PSD3: variants seen among roughly 807,000 people sequenced by gnomAD.
PSD3 encodes the protein pleckstrin and Sec7 domain containing 3, also known as PH and SEC7 domain-containing protein 3.
PSD3 carries 49 observed loss-of-function variants against 105.5 expected under a neutral mutation model. The ratio of observed to expected loss-of-function variants is 0.46; its 90% CI spans 0.37 to 0.59. PSD3 has a LOEUF of 0.59. PSD3 is among the 20% of genes least tolerant of loss of function. The probability of loss-of-function intolerance (pLI) is 0.00; values close to 1 mark genes in which losing one functional copy is unlikely to be tolerated. For synonymous variants in PSD3, 557 were observed against 457.8 expected (o/e 1.22, Z -2.77); for missense variants, 1,561 against 1,263.8 (o/e 1.24, Z -3.57).
intron 1 of PSD3, among the ~76,000 whole-genome samples, chr8:18,993,532 T>G (rs571138211): frequency 6.6e-6 from 1 of 152,080 alleles, no homozygotes; most frequent in African/African-American, 2.4e-5. Context: ...GTTTGGCAGA[T>G]AGTAACCTCT....
chr8:18,813,618 A>G (rs1811911242), intron 4 of PSD3, among the ~76,000 whole-genome samples: 1 of 152,222 alleles, frequency 6.6e-6, no homozygotes, highest in Non-Finnish European at 1.5e-5. Context: ...TCAGTTTGCC[A>G]GCAAGCAATG....
intron 4 of PSD3, among the ~76,000 whole-genome samples, chr8:18,809,597 T>G (rs895432657): frequency 6.6e-6 from 1 of 152,194 alleles, no homozygotes; most frequent in African/African-American, 2.4e-5. Context: ...TTATTCATCG[T>G]TTTTCTGAAA....
intron 1 of PSD3, among the ~76,000 whole-genome samples, chr8:19,036,378 A>G (rs1338034220): frequency 2.0e-5 from 3 of 152,014 alleles, no homozygotes; most frequent in Non-Finnish European, 4.4e-5. Context: ...CCTAGGTTGA[A>G]ATTTTGAAGC....
chr8:18,865,978 C>T (rs1189421674), intron 4 of PSD3, among the ~76,000 whole-genome samples: 1 of 152,178 alleles, frequency 6.6e-6, no homozygotes, highest in South Asian at 2.1e-4. Flanking sequence ...AAACCTTTCA[C>T]CCAGTTCCTT....
chr8:18,803,840 T>A (rs978931034), intron 6 of PSD3, among the ~76,000 whole-genome samples: 2 of 151,996 alleles, frequency 1.3e-5, no homozygotes, highest in African/African-American at 4.8e-5. Context: ...AAGAAGAGAA[T>A]CATGGAGATG....
At chr8:18,923,934 T>TGTGTGTGTATTATATA (rs1821194697) in intron 2 of PSD3, among the ~76,000 whole-genome samples, 1 of 151,978 alleles carries the variant, frequency 6.6e-6, no homozygotes, top group African/African-American at 2.4e-5. Context: ...TATACATATA[T>TGTGTGTGTATTATATA]TAAACACCAA....
chr8:18,940,357 G>A (rs1045548712), intron 1 of PSD3: 2 of 152,400 alleles, frequency 1.3e-5, no homozygotes, highest in South Asian at 2.1e-4. Flanking sequence ...AAAGTTCCCT[G>A]GTGACCATGA....
chr8:18,864,460 GTAA>G (rs1816679840), intron 4 of PSD3, among the ~76,000 whole-genome samples: 1 of 152,204 alleles, frequency 6.6e-6, no homozygotes, highest in East Asian at 1.9e-4. Flanking sequence ...ACTAGCTAAA[GTAA>G]TAATATTTTT....
rs771131077 is a variant in PSD3 at position 18,644,735 on chromosome 8, AG to A, written c.2216+10906del. 2.6e-5 allele frequency among the ~76,000 whole-genome samples: 4 copies of A among 152,208 alleles called. No individual in the cohort carries two copies. In the East Asian group the frequency reaches 5.8e-4, roughly 22 times the overall value. On this transcript the variant is annotated intron_variant, in intron 10 of 15. Coordinates refer to ENST00000327040, the MANE Select transcript of PSD3 (RefSeq NM_015310.4). ...AGCTTCTGTGGATTACCCAATTCCA[AG>A]GCCCCTTCCACATTTTCAGCTTATT...
At chr8:18,935,985 C>T (rs755292362) in intron 2 of PSD3, 49 bp downstream of exon 2, 2 of 1,215,582 alleles carry the variant, frequency 1.6e-6, no homozygotes, top group Non-Finnish European at 2.4e-6. Flanking sequence ...TTTGAAATCA[C>T]AGCTCTTCAT....
chr8:18,941,311 C>A (rs762961306), intron 1 of PSD3, among the ~76,000 whole-genome samples: 3 of 152,192 alleles, frequency 2.0e-5, no homozygotes, highest in African/African-American at 7.2e-5. Context: ...CAAGTTTGGG[C>A]TTCAGCTTCC....
chr8:18,725,261 C>A (rs1330910038), intron 9 of PSD3, among the ~76,000 whole-genome samples: 1 of 152,132 alleles, frequency 6.6e-6, no homozygotes. Context: ...AAATAGTAAT[C>A]TTTCTCTTTT....
intron 10 of PSD3, among the ~76,000 whole-genome samples, chr8:18,640,491 C>T (rs1156631767): frequency 6.6e-6 from 1 of 152,082 alleles, no homozygotes; most frequent in East Asian, 1.9e-4. Context: ...ATATTAAGTT[C>T]TCGTGAGATC....
intron 14 of PSD3, among the ~76,000 whole-genome samples, chr8:18,563,864 C>A (rs887710970): frequency 2.0e-5 from 3 of 152,106 alleles, no homozygotes; most frequent in African/African-American, 7.2e-5. Flanking sequence ...ATCAGAAGGA[C>A]ATAAGATTAC....
intron 1 of PSD3, among the ~76,000 whole-genome samples, chr8:18,974,814 C>T (rs540876430): frequency 2.0e-5 from 3 of 152,110 alleles, no homozygotes; most frequent in Non-Finnish European, 4.4e-5. Context: ...ATACATCCAG[C>T]AGGTCCTGCA....
At chr8:18,601,133 C>T (rs1175752143) in intron 11 of PSD3, among the ~76,000 whole-genome samples, 2 of 152,104 alleles carry the variant, frequency 1.3e-5, no homozygotes, top group African/African-American at 4.8e-5. Context: ...TACAAATTAT[C>T]CAAAATAATT....
intron 15 of PSD3, among the ~76,000 whole-genome samples, chr8:18,543,835 T>G (rs1231633394): frequency 6.6e-6 from 1 of 152,122 alleles, no homozygotes; most frequent in Non-Finnish European, 1.5e-5. Context: ...CACACATATA[T>G]TTACATGGAT....
intron 4 of PSD3, among the ~76,000 whole-genome samples, chr8:18,849,057 T>G (rs1815353077): frequency 6.6e-6 from 1 of 152,210 alleles, no homozygotes; most frequent in Non-Finnish European, 1.5e-5. Context: ...AGGTTTATCT[T>G]CTACACCTGT....
rs1398908845 is a variant in PSD3, at chr8:18,755,136, G to A, written c.2172+10313C>T. 1.1e-4 allele frequency among the ~76,000 whole-genome samples: 17 copies of A among 152,028 alleles called. 1 individual carries two copies. Among genetic ancestry groups the A allele is most frequent in the Admixed American group, 1.1e-3 (17 of 15,248 alleles). ...TGGACTGTTATGACACTTTAAACAT[G>A]CTCCAAACAAGGCCGGGTGCAGCAG... On this transcript the variant is annotated intron_variant, in intron 9 of 15. Transcript: ENST00000327040.
Sources: allele counts gnomAD v4.1 joint callset (sites outside exome capture counted in the v4.1 genomes callset), GRCh38; gene constraint gnomAD v4.1.1; transcripts MANE v1.5; gene names NCBI Gene and HGNC (gene_info 2026-07-23, HGNC 2026-07-21).